The following THRB variants were observed in gnomAD, a reference collection of about 807,000 sequenced individuals.
The protein encoded by THRB is nuclear receptor subfamily 1 group A member 2.
Under a neutral mutation model 47.8 loss-of-function variants are expected in THRB, and 12 were observed. The observed-to-expected ratio is 0.25, with a 90% CI of 0.16 to 0.41. The LOEUF is 0.41. Ranked by LOEUF, THRB falls within the 10% of genes least tolerant of loss-of-function variation. The pLI is 1.00. For synonymous variants in THRB, 218 were observed against 212.2 expected (o/e 1.03, Z -0.24); for missense variants, 348 against 589.2 (o/e 0.59, Z 4.24).
intron 1 of THRB, among the ~76,000 whole-genome samples, chr3:24,386,391 A>G (rs994168084): frequency 1.3e-5 from 2 of 152,066 alleles, no homozygotes; most frequent in South Asian, 4.1e-4. Context: ...CTTCACAGCC[A>G]GAGTTGCTGT....
At chr3:24,373,315 G>A (rs1055147556) in intron 1 of THRB, among the ~76,000 whole-genome samples, 3 of 152,126 alleles carry the variant, frequency 2.0e-5, no homozygotes, top group East Asian at 1.9e-4. Context: ...AATAAAGAAC[G>A]TGTATGCAAA....
chr3:24,426,631 C>T (rs1174039680), intron 1 of THRB, among the ~76,000 whole-genome samples: 1 of 151,904 alleles, frequency 6.6e-6, no homozygotes, highest in African/African-American at 2.4e-5. Flanking sequence ...AAGCAGAACA[C>T]TGAATTGATT....
chr3:24,380,590 G>A (rs1355211106), intron 1 of THRB, among the ~76,000 whole-genome samples: 1 of 151,976 alleles, frequency 6.6e-6, no homozygotes, highest in African/African-American at 2.4e-5. Context: ...CTATTTTAGT[G>A]CTCAGAATAT....
chr3:24,349,929 A>G (rs764732315), intron 1 of THRB, among the ~76,000 whole-genome samples: 2 of 152,060 alleles, frequency 1.3e-5, no homozygotes, highest in Non-Finnish European at 2.9e-5. Context: ...TCACCAAAAG[A>G]CACCATTATG....
chr3:24,143,381 G>C, intron 8 of THRB, 120 bp downstream of exon 8: 1 of 1,019,384 alleles, frequency 9.8e-7, no homozygotes, highest in South Asian at 1.3e-5. Context: ...TCAGAGCTAC[G>C]GTTTCCCTAT....
intron 3 of THRB, among the ~76,000 whole-genome samples, chr3:24,233,382 G>C (rs769260265): frequency 6.6e-6 from 1 of 151,770 alleles, no homozygotes; most frequent in Non-Finnish European, 1.5e-5. Context: ...TAGCTACTTG[G>C]GAGGCCAAGG....
At chr3:24,302,535 T>C (rs1395405848) in intron 2 of THRB, among the ~76,000 whole-genome samples, 1 of 152,246 alleles carries the variant, frequency 6.6e-6, no homozygotes, top group African/African-American at 2.4e-5. Flanking sequence ...TGTTCACTCT[T>C]CCTGAACTGG....
chr3:24,403,511 A>G (rs1218790474), intron 1 of THRB, among the ~76,000 whole-genome samples: 1 of 110,962 alleles, frequency 9.0e-6, no homozygotes, highest in East Asian at 2.3e-4. Flanking sequence ...TAATACTACT[A>G]AGGCATTACT....
At chr3:24,219,376 T>C (rs1032814147) in intron 4 of THRB, among the ~76,000 whole-genome samples, 1 of 152,242 alleles carries the variant, frequency 6.6e-6, no homozygotes, top group Non-Finnish European at 1.5e-5. Context: ...AGTTTCCTCA[T>C]GACTGTTCCA....
At chr3:24,139,148 T>C (rs1010715061) in intron 8 of THRB, among the ~76,000 whole-genome samples, 2 of 152,192 alleles carry the variant, frequency 1.3e-5, no homozygotes, top group Admixed American at 1.3e-4. Context: ...AAATTAGGCA[T>C]TTCTGTAGCC....
chr3:24,184,712 A>C lies in THRB; in HGVS notation c.283+5362T>G, dbSNP rs138238253. Among the ~76,000 whole-genome samples the C allele has an allele frequency of 2.8e-4, 42 of 152,254 alleles. No homozygotes were observed. In the East Asian group the frequency reaches 8.1e-3, roughly 29 times the overall value. ...TCATGTTGATTGCTAAGGTTCCCAG[A>C]GTGCCCTTGAGGTATAAGAATCACT... is the stretch of plus-strand genomic sequence containing the variant. On this transcript the variant is annotated intron_variant, in intron 5 of 10. Transcript: ENST00000646209.
chr3:24,355,152 T>C (rs1383731014), intron 1 of THRB, among the ~76,000 whole-genome samples: 1 of 152,148 alleles, frequency 6.6e-6, no homozygotes, highest in Non-Finnish European at 1.5e-5. Context: ...ATGTGCTTCC[T>C]GATATGATGC....
intron 1 of THRB, among the ~76,000 whole-genome samples, chr3:24,402,487 C>T (rs36186467): frequency 0.17 from 20,911 of 123,892 alleles, 1,703 homozygotes; most frequent in Middle Eastern, 0.28. Context: ...ATTCACCAAC[C>T]CTTCTTTCTT....
intron 3 of THRB, among the ~76,000 whole-genome samples, chr3:24,283,131 A>G (rs1282289621): frequency 7.2e-5 from 11 of 151,970 alleles, no homozygotes; most frequent in Non-Finnish European, 1.5e-4. Context: ...ACACAACCAA[A>G]AAAGAGAATT....
At position 24,190,231 on chromosome 3, in the gene THRB, A is replaced by G. The variant is rs752303168; in HGVS notation, c.126T>C (p.His42=). 10 of 1,613,928 alleles carry G rather than the reference A, an allele frequency of 6.2e-6. No homozygotes were observed. Among genetic ancestry groups the G allele is most frequent in the Non-Finnish European group, 8.5e-6 (10 of 1,179,980 alleles). ...TTTTCAACGTGCTGCGCCTCTCTGA[A>G]TGGCTCTTCCTATGTAGGCAGGCTT... ...MSEACLHRKS[H]SERRSTLKNE... Residue 42 remains histidine (H), a synonymous_variant, in exon 5 of 11, where the codon CAT becomes CAC. Coordinates refer to ENST00000646209, the MANE Select transcript of THRB (RefSeq NM_001354712.2).
chr3:24,277,924 A>G (rs1403073531), intron 3 of THRB, among the ~76,000 whole-genome samples: 1 of 152,230 alleles, frequency 6.6e-6, no homozygotes, highest in African/African-American at 2.4e-5. Flanking sequence ...TGACAACATT[A>G]ATAATGCATT....
intron 5 of THRB, among the ~76,000 whole-genome samples, chr3:24,175,141 T>A (rs965948698): frequency 6.6e-6 from 1 of 152,230 alleles, no homozygotes. Context: ...GTTTAGTCCA[T>A]GAAATCCTCT....
intron 1 of THRB, among the ~76,000 whole-genome samples, chr3:24,405,913 A>G (rs1300594891): frequency 8.6e-5 from 13 of 151,674 alleles, no homozygotes; most frequent in Non-Finnish European, 1.5e-4. Flanking sequence ...TATTTTATAT[A>G]TATTTTAAAG....
intron 1 of THRB, among the ~76,000 whole-genome samples, chr3:24,390,123 C>T (rs1414362300): frequency 1.3e-5 from 2 of 152,068 alleles, no homozygotes; most frequent in Non-Finnish European, 2.9e-5. Flanking sequence ...AAGCCATCTC[C>T]CACTGATGAC....
Sources: gnomAD v4.1 joint callset for allele counts (sites outside exome capture counted in the v4.1 genomes callset) on GRCh38, gnomAD v4.1.1 for gene constraint, MANE v1.5 for transcripts, NCBI Gene and HGNC (gene_info 2026-07-23, HGNC 2026-07-21) for gene names.